Variants in TXNRD2 observed in about 807,000 individuals in gnomAD.
The protein encoded by TXNRD2 is thioredoxin reductase 2, mitochondrial.
Under a neutral mutation model 70.8 loss-of-function variants are expected in TXNRD2, and 67 were observed. That is an observed-to-expected ratio of 0.95 (90% confidence interval 0.78 to 1.16). The LOEUF is 1.16. TXNRD2 is among the 50% of genes most tolerant of loss of function. The pLI, the probability that TXNRD2 is intolerant of heterozygous loss-of-function variation, is 0.00. For synonymous variants in TXNRD2, 301 were observed against 295.8 expected (o/e 1.02, Z -0.18); for missense variants, 644 against 719.9 (o/e 0.89, Z 1.21).
chr22:19,920,725 C>G (rs1940870524), intron 2 of TXNRD2, among the ~76,000 whole-genome samples: 1 of 152,214 alleles, frequency 6.6e-6, no homozygotes, highest in Non-Finnish European at 1.5e-5. Flanking sequence ...TCTCATGAAC[C>G]CTAAAATGCC....
At chr22:19,898,945 C>T (rs556515477) in intron 9 of TXNRD2, 104 bp downstream of exon 9, 11 of 1,464,114 alleles carry the variant, frequency 7.5e-6, no homozygotes, top group Non-Finnish European at 1.0e-5. Flanking sequence ...AAGTGCCGAT[C>T]TGAGGCAGCA....
rs539348419 is a variant in TXNRD2, at chr22:19,905,838, G to T, written c.662+5539C>A. Among the ~76,000 whole-genome samples the T allele has an allele frequency of 2.0e-5, 3 of 150,882 alleles. No homozygotes were observed. In the South Asian group the frequency reaches 6.3e-4, roughly 32 times the overall value. ...CCGGGCAACCCATCTCCACCACACC[G>T]CAGAAGAAGTGCAGCCAGCCCAAGG... On this transcript the variant is annotated intron_variant, in intron 8 of 17. Transcript: ENST00000400521.
chr22:19,918,271 G>A, intron 4 of TXNRD2, 54 bp from the exon 5 acceptor site: 3 of 1,449,884 alleles, frequency 2.1e-6, no homozygotes, highest in Non-Finnish European at 2.9e-6. Flanking sequence ...TTAGCTGCAG[G>A]GCCTCACGAT....
chr22:19,890,560 C>T (rs1200810809), intron 11 of TXNRD2, among the ~76,000 whole-genome samples: 6 of 152,036 alleles, frequency 3.9e-5, no homozygotes, highest in Non-Finnish European at 8.8e-5. Flanking sequence ...CCTGATGGGC[C>T]CACCGCAGCC....
chr22:19,919,077 G>T (rs1294152352), intron 3 of TXNRD2, 73 bp from the exon 4 acceptor site: 7 of 1,506,210 alleles, frequency 4.6e-6, no homozygotes, highest in Non-Finnish European at 6.3e-6. Context: ...CTTCTAGAGT[G>T]TTTGGAATTC....
At chr22:19,931,963 A>G (rs1316720815) in intron 1 of TXNRD2, among the ~76,000 whole-genome samples, 1 of 151,936 alleles carries the variant, frequency 6.6e-6, no homozygotes, top group Non-Finnish European at 1.5e-5. Context: ...GATCGAGACC[A>G]TCCTGGCTAA....
chr22:19,879,905 G>A (rs1938684033), intron 14 of TXNRD2, among the ~76,000 whole-genome samples: 1 of 152,178 alleles, frequency 6.6e-6, no homozygotes, highest in Non-Finnish European at 1.5e-5. Flanking sequence ...CTTGCCCTCA[G>A]AACAAGGCAG....
intron 5 of TXNRD2, chr22:19,916,299 A>G (rs963779025): frequency 6.9e-5 from 14 of 202,756 alleles, no homozygotes; most frequent in South Asian, 2.5e-4. Context: ...CTGGGAGCAT[A>G]GTGCACAGAA....
rs764491564 is a variant in TXNRD2, at chr22:19,915,208, ACT to A, written c.591+4_591+5del. ...AGCAGGGACGCTATGCTCTGGGGAC[ACT>A]CACGTGCGTGGGGTATCTCGGCCGC... On this transcript the variant is annotated splice_donor_5th_base_variant and intron_variant, in intron 7 of 17. Coordinates refer to ENST00000400521, the MANE Select transcript of TXNRD2 (RefSeq NM_006440.5). 10 of 1,613,590 alleles carry A rather than the reference ACT, an allele frequency of 6.2e-6. No individual in the cohort carries two copies. In the Admixed American group the frequency reaches 1.7e-4, roughly 27 times the overall value.
intron 16 of TXNRD2, 96 bp downstream of exon 16, chr22:19,877,994 C>T (rs750039519): frequency 2.8e-6 from 3 of 1,060,964 alleles, no homozygotes; most frequent in South Asian, 1.3e-5. Flanking sequence ...ACATAAATGC[C>T]GCAAGAGTGG....
intron 2 of TXNRD2, among the ~76,000 whole-genome samples, chr22:19,922,344 T>C (rs1169277681): frequency 6.6e-6 from 1 of 152,236 alleles, no homozygotes; most frequent in Non-Finnish European, 1.5e-5. Flanking sequence ...TCTGTTCATG[T>C]GTCTGTCTCG....
In TXNRD2 at chr22:19,913,951, A is replaced by T. The variant is rs578001327; in HGVS notation, c.591+1263T>A. Among the ~76,000 whole-genome samples the T allele has an allele frequency of 5.9e-5, 9 of 152,380 alleles. 1 individual carries two copies. The highest frequency in any genetic ancestry group is 1.9e-4 in the African/African-American group (8 of 41,594). On this transcript the variant is annotated intron_variant, in intron 7 of 17. Transcript: ENST00000400521. ...ACTTCAGTGGCCACATACATCAAAG[A>T]ATAAGAGTCTACAAAGTCAGTTCCG...
At position 19,880,698 on chromosome 22, in the gene TXNRD2, G is replaced by C. The variant is rs1489194482; in HGVS notation, c.1106C>G (p.Pro369Arg). 1 of 1,612,794 alleles carries C rather than the reference G, an allele frequency of 6.2e-7. No individual in the cohort carries two copies. Among genetic ancestry groups the C allele is most frequent in the South Asian group, 1.1e-5 (1 of 91,092 alleles). ...DVVEGRPELT[P>R]IAIMAGRLLV... Reference sequence around the variant, plus strand: ...GAGCCTCCCGGCCATGATCGCTATGGGTGTCAGCTCAGGCCGCCCCTTGGG... The same window carrying C: ...GAGCCTCCCGGCCATGATCGCTATGCGTGTCAGCTCAGGCCGCCCCTTGGG... The change falls in exon 13 of 18, where the codon CCC (proline) becomes CGC (arginine). Residue 369 changes from proline (P) to arginine (R), a missense_variant. Coordinates refer to ENST00000400521, the MANE Select transcript of TXNRD2 (RefSeq NM_006440.5).
At position 19,880,680 on chromosome 22, in the gene TXNRD2, C is replaced by A; in HGVS notation, c.1124G>T (p.Gly375Val). 1 of 1,613,358 alleles carries A rather than the reference C, an allele frequency of 6.2e-7. No individual in the cohort carries two copies. Among genetic ancestry groups the A allele is most frequent in the Non-Finnish European group, 8.5e-7 (1 of 1,180,018 alleles). ...GAAGAGCCGCTGCACCAGGAGCCTC[C>A]CGGCCATGATCGCTATGGGTGTCAG... ...PELTPIAIMA[G>V]RLLVQRLFGG... The change falls in exon 13 of 18, where the codon GGG (glycine) becomes GTG (valine). Residue 375 changes from glycine to valine, a missense_variant. By Grantham distance (109) the Gly-to-Val change is moderately radical (BLOSUM62 -3). Around this residue, in one of 3 missense-constraint regions of TXNRD2, gnomAD observed 566 missense variants for 645.0 expected, o/e 0.88. Coordinates refer to ENST00000400521, the MANE Select transcript of TXNRD2 (RefSeq NM_006440.5).
At chr22:19,878,752 C>G (rs1476548376) in intron 14 of TXNRD2, among the ~76,000 whole-genome samples, 1 of 152,208 alleles carries the variant, frequency 6.6e-6, no homozygotes, top group Non-Finnish European at 1.5e-5. Context: ...CCAGGCACAG[C>G]AAACCTGGGT....
chr22:19,934,229 C>T (rs959312838), intron 1 of TXNRD2, among the ~76,000 whole-genome samples: 4 of 152,042 alleles, frequency 2.6e-5, no homozygotes, highest in Non-Finnish European at 4.4e-5. Context: ...TCAGGTCTTC[C>T]TACTCTAAAA....
chr22:19,899,127 A>T, intron 8 of TXNRD2, 59 bp from the exon 9 acceptor site: 3 of 1,602,442 alleles, frequency 1.9e-6, no homozygotes, highest in Non-Finnish European at 2.5e-6. Flanking sequence ...GACCAAGTGC[A>T]GTCAGAGCAG....
At chr22:19,890,792 C>T (rs1005504918) in intron 11 of TXNRD2, among the ~76,000 whole-genome samples, 21 of 152,194 alleles carry the variant, frequency 1.4e-4, no homozygotes, top group Non-Finnish European at 2.4e-4. Context: ...CTGCGGTGTA[C>T]GGGAGCCATC....
At chr22:19,935,630 T>C (rs6518589) in intron 1 of TXNRD2, among the ~76,000 whole-genome samples, 80,932 of 151,986 alleles carry the variant, frequency 0.53, 21,688 homozygotes, top group East Asian at 0.69. Flanking sequence ...GTGGGCATCA[T>C]GGTCCTACCG....
Sources: allele counts gnomAD v4.1 joint callset (sites outside exome capture counted in the v4.1 genomes callset), GRCh38; gene constraint gnomAD v4.1.1; regional missense constraint gnomAD v4.1.1; transcripts MANE v1.5; gene names NCBI Gene and HGNC (gene_info 2026-07-23, HGNC 2026-07-21).